TBC1D5: variants seen among roughly 807,000 people sequenced by gnomAD.
TBC1D5 encodes the protein TBC1 domain family member 5, also known as TBC1 domain family, member 5.
Under a neutral mutation model 100.3 loss-of-function variants are expected in TBC1D5, and 75 were observed. The observed-to-expected ratio is 0.75, with a 90% CI of 0.62 to 0.91. TBC1D5 has a LOEUF of 0.91. Among genes scored for constraint, TBC1D5 ranks in the 40% least tolerant of loss-of-function variants. The pLI, the probability that TBC1D5 is intolerant of heterozygous loss-of-function variation, is 0.00. For missense variants in TBC1D5, 910 were observed against 942.4 expected (o/e 0.97, Z 0.45); for synonymous variants, 323 against 325.6 (o/e 0.99, Z 0.09).
At chr3:17,706,247 T>C (rs2074149081) in intron 1 of TBC1D5, 6 of 1,548,702 alleles carry the variant, frequency 3.9e-6, no homozygotes, top group South Asian at 3.6e-5. Context: ...CACATTGATA[T>C]TTGTACTTCT....
chr3:17,384,796 A>C (rs1399398809), intron 8 of TBC1D5, among the ~76,000 whole-genome samples: 2 of 152,112 alleles, frequency 1.3e-5, no homozygotes, highest in African/African-American at 4.8e-5. Context: ...ATTCCATGAA[A>C]TACTGCCTGC....
intron 14 of TBC1D5, among the ~76,000 whole-genome samples, chr3:17,299,688 C>A (rs2082625267): frequency 6.6e-6 from 1 of 152,026 alleles, no homozygotes; most frequent in South Asian, 2.1e-4. Context: ...GAAACCCCGT[C>A]TCTACTAAAA....
chr3:17,164,219 A>G (rs766865223), intron 21 of TBC1D5, among the ~76,000 whole-genome samples: 3 of 152,234 alleles, frequency 2.0e-5, no homozygotes, highest in Non-Finnish European at 4.4e-5. Flanking sequence ...ATTCCCACAA[A>G]GGAAGAACAC....
At chr3:17,370,643 ACTT>A (rs896145432) in intron 13 of TBC1D5, among the ~76,000 whole-genome samples, 2 of 152,194 alleles carry the variant, frequency 1.3e-5, no homozygotes, top group African/African-American at 4.8e-5. Flanking sequence ...AGAAAAGCAG[ACTT>A]CTTCAGTCAC....
chr3:17,499,752 A>C (rs1381761012), intron 3 of TBC1D5, among the ~76,000 whole-genome samples: 1 of 149,232 alleles, frequency 6.7e-6, no homozygotes, highest in Non-Finnish European at 1.5e-5. Context: ...ATGAATCAAC[A>C]AAAAGCAACC....
chr3:17,738,830 A>G (rs1363805695), intron 1 of TBC1D5, among the ~76,000 whole-genome samples: 2 of 152,198 alleles, frequency 1.3e-5, no homozygotes, highest in African/African-American at 4.8e-5. Flanking sequence ...ATAATCTCTG[A>G]GCCTCTTTTT....
At chr3:17,601,468 G>A (rs1181165963) in intron 2 of TBC1D5, among the ~76,000 whole-genome samples, 1 of 152,178 alleles carries the variant, frequency 6.6e-6, no homozygotes, top group Non-Finnish European at 1.5e-5. Context: ...CCGAGATTGC[G>A]CCATTGCACT....
intron 19 of TBC1D5, among the ~76,000 whole-genome samples, chr3:17,175,381 A>G (rs544291669): frequency 1.3e-5 from 2 of 152,314 alleles, no homozygotes; most frequent in African/African-American, 4.8e-5. Flanking sequence ...ACTCTTTGGC[A>G]TATTATTCTC....
chr3:17,674,003 A>G (rs961052895), intron 1 of TBC1D5, among the ~76,000 whole-genome samples: 2 of 152,076 alleles, frequency 1.3e-5, no homozygotes, highest in East Asian at 1.9e-4. Context: ...CTGACTCCCA[A>G]TTCCTTGACT....
chr3:17,345,534 T>G (rs1379724060), intron 13 of TBC1D5, among the ~76,000 whole-genome samples: 1 of 152,094 alleles, frequency 6.6e-6, no homozygotes, highest in Admixed American at 6.5e-5. Flanking sequence ...GATCTAGAAC[T>G]AGAAATACTA....
chr3:17,582,683 CA>C (rs141006663), intron 2 of TBC1D5, among the ~76,000 whole-genome samples: 8,915 of 82,002 alleles, frequency 0.11, 783 homozygotes, highest in African/African-American at 0.29. Context: ...AGTATGCTAT[CA>C]AAAAAAAAAA....
intron 13 of TBC1D5, among the ~76,000 whole-genome samples, chr3:17,316,340 G>A (rs1164587547): frequency 1.3e-5 from 2 of 152,178 alleles, no homozygotes; most frequent in Non-Finnish European, 2.9e-5. Flanking sequence ...ATAAAACAGT[G>A]AAACTGAGAT....
Position 17,291,919 on chromosome 3 carries a change from C to T in TBC1D5, c.1221G>A (p.Lys407=), listed in dbSNP as rs1404065260. The T allele has an allele frequency of 2.5e-6, 4 of 1,613,806 alleles. No homozygotes were observed. The South Asian group carries it at 3.3e-5, about 13-fold the overall frequency. ...CCTTTGGATCTCTAAGGAACAGAGC[C>T]TTAAGAATCAGTGAGTGTACATCCC... The change falls in exon 15 of 22, where the codon AAG becomes AAA. Residue 407 remains lysine, a synonymous_variant. Transcript: ENST00000253692.
At chr3:17,627,849 C>A in intron 1 of TBC1D5, among the ~76,000 whole-genome samples, 1 of 151,942 alleles carries the variant, frequency 6.6e-6, no homozygotes, top group Non-Finnish European at 1.5e-5. Flanking sequence ...AAAGTAAATG[C>A]CCATACAAGA....
chr3:17,529,392 T>G (rs1434292998), intron 2 of TBC1D5, among the ~76,000 whole-genome samples: 1 of 152,166 alleles, frequency 6.6e-6, no homozygotes, highest in East Asian at 1.9e-4. Flanking sequence ...TGAGGTCTTG[T>G]TGGACACTGC....
At chr3:17,441,151 T>C (rs1294577973) in intron 3 of TBC1D5, among the ~76,000 whole-genome samples, 3 of 152,216 alleles carry the variant, frequency 2.0e-5, no homozygotes, top group African/African-American at 4.8e-5. Flanking sequence ...GTCAGGACTG[T>C]TGCTATTTAA....
intron 13 of TBC1D5, among the ~76,000 whole-genome samples, chr3:17,361,073 T>C (rs17043492): frequency 0.41 from 62,063 of 151,816 alleles, 13,327 homozygotes; most frequent in Middle Eastern, 0.51. Flanking sequence ...CAAGACCATA[T>C]TGGAAATCAT....
chr3:17,205,628 T>G (rs2125873111), intron 18 of TBC1D5, among the ~76,000 whole-genome samples: 1 of 152,292 alleles, frequency 6.6e-6, no homozygotes, highest in East Asian at 1.9e-4. Context: ...CCCCAACTAC[T>G]GGTCCTCTGT....
intron 2 of TBC1D5, among the ~76,000 whole-genome samples, chr3:17,592,321 T>G (rs2060281950): frequency 6.6e-6 from 1 of 152,138 alleles, no homozygotes; most frequent in South Asian, 2.1e-4. Context: ...GAGAAAGAAG[T>G]AGCAAACACA....
Sources: gnomAD v4.1 joint callset for allele counts (sites outside exome capture counted in the v4.1 genomes callset) on GRCh38, gnomAD v4.1.1 for gene constraint, MANE v1.5 for transcripts, NCBI Gene and HGNC (gene_info 2026-07-23, HGNC 2026-07-21) for gene names.